RNF150: variants seen among roughly 807,000 people sequenced by gnomAD.
RNF150 encodes the protein ring finger protein 150.
Under a neutral mutation model 39.3 loss-of-function variants are expected in RNF150, and 24 were observed. That is an observed-to-expected ratio of 0.61 (90% CI 0.44 to 0.86). RNF150 has a LOEUF of 0.86. RNF150 is among the 40% of genes least tolerant of loss of function. RNF150 has a pLI of 0.00. For synonymous variants in RNF150, 255 were observed against 227.3 expected, an observed-to-expected ratio of 1.12 and a Z score of -1.10; for missense variants, 502 against 587.8, an observed-to-expected ratio of 0.85 and a Z score of 1.51.
intron 1 of RNF150, among the ~76,000 whole-genome samples, chr4:140,999,992 A>AC (rs1734554988): frequency 8.9e-5 from 2 of 22,470 alleles, no homozygotes; most frequent in East Asian, 1.1e-3. Flanking sequence ...AGAAAAGAAG[A>AC]AAAGAAGAAG....
intron 6 of RNF150, among the ~76,000 whole-genome samples, chr4:140,877,305 G>A (rs1459509731): frequency 6.7e-6 from 1 of 148,520 alleles, no homozygotes; most frequent in African/African-American, 2.5e-5. Flanking sequence ...TGCACATTGT[G>A]TTGTCAACAG....
At chr4:140,997,485 G>A (rs1299220387) in intron 1 of RNF150, among the ~76,000 whole-genome samples, 1 of 152,082 alleles carries the variant, frequency 6.6e-6, no homozygotes, top group African/African-American at 2.4e-5. Flanking sequence ...AGCTGGGCTT[G>A]GTGGCATATG....
At chr4:141,033,636 A>C (rs1410652449) in intron 1 of RNF150, among the ~76,000 whole-genome samples, 1 of 152,238 alleles carries the variant, frequency 6.6e-6, no homozygotes, top group East Asian at 1.9e-4. Flanking sequence ...TTTCTTAAAT[A>C]AGAAGACTTG....
intron 6 of RNF150, among the ~76,000 whole-genome samples, chr4:140,894,934 G>A (rs149231283): frequency 6.6e-6 from 1 of 152,158 alleles, no homozygotes; most frequent in Non-Finnish European, 1.5e-5. Context: ...AGCTGCCTGA[G>A]TCTCCATGGA....
chr4:141,182,001 T>C (rs1294276989), intron 1 of RNF150, among the ~76,000 whole-genome samples: 1 of 152,178 alleles, frequency 6.6e-6, no homozygotes, highest in Non-Finnish European at 1.5e-5. Flanking sequence ...GTCTTTCCTG[T>C]ATTGATTTTC....
intron 1 of RNF150, among the ~76,000 whole-genome samples, chr4:141,163,027 G>A (rs1175020644): frequency 2.0e-5 from 3 of 152,122 alleles, no homozygotes; most frequent in African/African-American, 7.2e-5. Flanking sequence ...CACCACCACG[G>A]AGCCCAGCAA....
chr4:140,960,751 A>G (rs1053629638), intron 2 of RNF150, among the ~76,000 whole-genome samples: 2 of 152,094 alleles, frequency 1.3e-5, no homozygotes, highest in African/African-American at 4.8e-5. Flanking sequence ...GTGTCAATAG[A>G]GCTAAAAAGG....
At chr4:141,095,765 A>C (rs1200666312) in intron 1 of RNF150, among the ~76,000 whole-genome samples, 3 of 152,208 alleles carry the variant, frequency 2.0e-5, no homozygotes, top group Non-Finnish European at 4.4e-5. Context: ...GAATTATTTA[A>C]AAACTTCAAG....
rs575914341 is a variant in RNF150 at position 140,861,906 on chromosome 4, T to C, written c.*6355A>G. ...AATTCATTTTTTAGATTTCGGGATTTAGTAAGGTCAATCAACAGTCTGCAA... is the reference window on the plus strand; with the variant it reads ...AATTCATTTTTTAGATTTCGGGATTCAGTAAGGTCAATCAACAGTCTGCAA... On this transcript the variant is annotated 3_prime_UTR_variant, in exon 7 of 7. Transcript: ENST00000515673. The C allele has an allele frequency of 6.6e-6, 1 of 152,328 alleles. No homozygotes were observed. The highest frequency in any genetic ancestry group is 2.1e-4 in the South Asian group (1 of 4,830). 9.4% of individuals were successfully genotyped at this position (152,328 alleles called of 1,614,324 possible).
chr4:141,070,000 A>C (rs1737627451), intron 1 of RNF150, among the ~76,000 whole-genome samples: 1 of 151,740 alleles, frequency 6.6e-6, no homozygotes, highest in African/African-American at 2.4e-5. Flanking sequence ...TGATCCTTTC[A>C]AAAAAACCAG....
At chr4:140,953,459 T>TA (rs1420119936) in intron 2 of RNF150, among the ~76,000 whole-genome samples, 2 of 152,108 alleles carry the variant, frequency 1.3e-5, no homozygotes, top group Non-Finnish European at 2.9e-5. Flanking sequence ...ATGGTCCAGA[T>TA]ACCTGGGGAA....
intron 1 of RNF150, among the ~76,000 whole-genome samples, chr4:141,037,804 T>C (rs927291324): frequency 2.0e-5 from 3 of 152,144 alleles, no homozygotes; most frequent in Admixed American, 1.3e-4. Flanking sequence ...CAATGGAAGA[T>C]TAACAGTACA....
At chr4:141,005,951 C>T (rs888212443) in intron 1 of RNF150, among the ~76,000 whole-genome samples, 1 of 145,600 alleles carries the variant, frequency 6.9e-6, no homozygotes, top group Non-Finnish European at 1.5e-5. Flanking sequence ...CGCCTGTAGT[C>T]CCAGCTACTT....
intron 1 of RNF150, among the ~76,000 whole-genome samples, chr4:141,043,622 G>A (rs909862796): frequency 6.6e-6 from 1 of 152,026 alleles, no homozygotes; most frequent in Non-Finnish European, 1.5e-5. Context: ...CTATTCTCTT[G>A]TTTTGTTAAC....
chr4:140,948,527 C>T (rs1392214023), intron 3 of RNF150, among the ~76,000 whole-genome samples: 1 of 152,172 alleles, frequency 6.6e-6, no homozygotes, highest in Non-Finnish European at 1.5e-5. Flanking sequence ...TCAAGACATA[C>T]TATTGCTTTT....
rs188883350 is a variant in RNF150, at chr4:141,204,492, G to A, written c.-6+8302C>T. Among the ~76,000 whole-genome samples the A allele has an allele frequency of 2.8e-3, 419 of 152,186 alleles. 1 individual carries two copies. Among genetic ancestry groups the A allele is most frequent in the African/African-American group, 9.4e-3 (392 of 41,506 alleles). On this transcript the variant is annotated intron_variant, in intron 1 of 7. Transcript: ENST00000420921. Reference sequence around the variant, plus strand: ...TTGCATCTCTAGTACTTATTATATAGTAGACACTAAAGAAGTACAAATATT... The same window carrying A: ...TTGCATCTCTAGTACTTATTATATAATAGACACTAAAGAAGTACAAATATT...
chr4:141,170,322 G>A (rs536830049), intron 1 of RNF150, among the ~76,000 whole-genome samples: 12 of 152,188 alleles, frequency 7.9e-5, no homozygotes, highest in Non-Finnish European at 1.3e-4. Flanking sequence ...TAGATGACAC[G>A]TACTCTATGT....
chr4:140,890,426 G>A (rs958587654), intron 6 of RNF150, among the ~76,000 whole-genome samples: 2 of 152,118 alleles, frequency 1.3e-5, no homozygotes, highest in African/African-American at 4.8e-5. Flanking sequence ...CATGTGTTGT[G>A]TGCTAAATGT....
At chr4:140,949,680 C>A (rs927441224) in intron 2 of RNF150, among the ~76,000 whole-genome samples, 20 of 105,190 alleles carry the variant, frequency 1.9e-4, no homozygotes, top group African/African-American at 6.2e-4. Flanking sequence ...CACTACCCCC[C>A]CCCAAAAAAA....
Sources: gnomAD v4.1 joint callset for allele counts (sites outside exome capture counted in the v4.1 genomes callset) on GRCh38, gnomAD v4.1.1 for gene constraint, MANE v1.5 for transcripts, NCBI Gene and HGNC (gene_info 2026-07-23, HGNC 2026-07-21) for gene names.